Variants in METTL15 observed in about 807,000 individuals in gnomAD.
METTL15 encodes methyltransferase 15, mitochondrial 12S rRNA N4-cytidine, also known as 12S rRNA N(4)-cytidine methyltransferase METTL15.
In METTL15, 34 loss-of-function variants were observed where a neutral mutation model predicts 38.3. That is an observed-to-expected ratio of 0.89 (90% CI 0.68 to 1.18). The LOEUF (loss-of-function observed/expected upper bound fraction) is 1.18. METTL15 is among the 50% of genes most tolerant of loss of function. The probability of loss-of-function intolerance (pLI) is 0.00; values close to 1 mark genes in which losing one functional copy is unlikely to be tolerated. For missense variants in METTL15, 438 were observed against 498.4 expected (o/e 0.88, Z 1.15); for synonymous variants, 162 against 170.9 (o/e 0.95, Z 0.41).
At chr11:28,469,950 A>G (rs1025664614) in intron 6 of METTL15, among the ~76,000 whole-genome samples, 5 of 152,128 alleles carry the variant, frequency 3.3e-5, no homozygotes, top group Admixed American at 3.3e-4. Flanking sequence ...TTATGAATAT[A>G]TTCATGAATA....
At chr11:28,240,124 A>T (rs934671547) in intron 4 of METTL15, among the ~76,000 whole-genome samples, 1 of 152,212 alleles carries the variant, frequency 6.6e-6, no homozygotes, top group Non-Finnish European at 1.5e-5. Context: ...TAAATGATGC[A>T]GTTGCAAATA....
At chr11:28,403,906 C>CT (rs951192659) in intron 5 of METTL15, among the ~76,000 whole-genome samples, 3 of 151,862 alleles carry the variant, frequency 2.0e-5, no homozygotes, top group African/African-American at 7.3e-5. Flanking sequence ...GCTTCTTATT[C>CT]TTTTTTTAAA....
At chr11:28,400,261 A>G (rs1425346844) in intron 5 of METTL15, among the ~76,000 whole-genome samples, 1 of 151,864 alleles carries the variant, frequency 6.6e-6, no homozygotes, top group Non-Finnish European at 1.5e-5. Flanking sequence ...GCAGTCATAT[A>G]CCATACAAAG....
At chr11:28,298,107 A>G (rs1007279368) in intron 6 of METTL15, among the ~76,000 whole-genome samples, 1 of 152,032 alleles carries the variant, frequency 6.6e-6, no homozygotes, top group African/African-American at 2.4e-5. Flanking sequence ...CAAGTTTAAG[A>G]GCAGAATTCT....
At chr11:28,495,508 C>T (rs773867674) in intron 6 of METTL15, among the ~76,000 whole-genome samples, 1 of 152,158 alleles carries the variant, frequency 6.6e-6, no homozygotes, top group South Asian at 2.1e-4. Flanking sequence ...TCCTTTACAT[C>T]GTGCTTGGCT....
chr11:28,388,389 A>G (rs925962462), intron 5 of METTL15, among the ~76,000 whole-genome samples: 3 of 152,172 alleles, frequency 2.0e-5, no homozygotes, highest in South Asian at 2.1e-4. Context: ...AATCAACACA[A>G]AAAAATCAAT....
Position 28,218,954 on chromosome 11 carries a change from G to T in METTL15, c.407+7756G>T, listed in dbSNP as rs558479606. 6.1e-4 allele frequency among the ~76,000 whole-genome samples: 93 copies of T among 152,150 alleles called. 1 individual carries two copies. Among genetic ancestry groups the T allele is most frequent in the African/African-American group, 2.2e-3 (90 of 41,496 alleles). On this transcript the variant is annotated intron_variant, in intron 4 of 6. Coordinates refer to ENST00000407364, the MANE Select transcript of METTL15 (RefSeq NM_001113528.2). The stretch of plus-strand genomic sequence containing the variant: ...AGCTCTTTGATGTGTTGCTGGATTC[G>T]GTTTGCCAGTATGTTATTGAGGATT...
intron 6 of METTL15, among the ~76,000 whole-genome samples, chr11:28,308,892 G>GTAGGTAGA (rs72449461): frequency 0.01 from 1,543 of 146,984 alleles, 12 homozygotes; most frequent in Non-Finnish European, 0.014. Context: ...AGGTAGGTAG[G>GTAGGTAGA]TAGATAGATA....
intron 3 of METTL15, chr11:28,125,438 G>C (rs994390532): frequency 1.3e-5 from 2 of 151,916 alleles, no homozygotes; most frequent in Non-Finnish European, 2.9e-5. Flanking sequence ...TATTATATCT[G>C]AGTTCTATGC....
At chr11:28,385,970 TAACA>T (rs551607896) in intron 5 of METTL15, among the ~76,000 whole-genome samples, 5 of 152,094 alleles carry the variant, frequency 3.3e-5, no homozygotes, top group Admixed American at 1.3e-4. Context: ...AAAATACATA[TAACA>T]AACAAAGTAT....
chr11:28,134,432 C>A (rs187206343), intron 3 of METTL15: 124 of 397,150 alleles, frequency 3.1e-4, no homozygotes, highest in African/African-American at 2.2e-3. Flanking sequence ...TTAGGCAAGG[C>A]CCCTGTGCAA....
rs10660185 is a variant in METTL15, at chr11:28,161,107, C to CTTTTTTTTTTTTTTTTTTTTTTT, written c.270+47522_270+47523insTTTTTTTTTTTTTTTTTTTTTTT. On this transcript the variant is annotated intron_variant, in intron 3 of 6. Transcript: ENST00000407364. ...GATATAGTCAGATGTTTGCACCTTC[C>CTTTTTTTTTTTTTTTTTTTTTTT]TTTTTTTTTTTTTTTTTTTGTTTTT... 1.9e-4 allele frequency among the ~76,000 whole-genome samples: 25 copies of CTTTTTTTTTTTTTTTTTTTTTTT among 131,898 alleles called. 1 individual carries two copies. Among genetic ancestry groups the CTTTTTTTTTTTTTTTTTTTTTTT allele is most frequent in the Non-Finnish European group, 1.6e-4 (10 of 63,344 alleles). 86.5% of individuals were successfully genotyped at this position (131,898 alleles called of 152,430 possible).
chr11:28,205,223 A>T (rs1439921724), intron 3 of METTL15, among the ~76,000 whole-genome samples: 1 of 151,818 alleles, frequency 6.6e-6, no homozygotes, highest in Admixed American at 6.6e-5. Flanking sequence ...GTCATTTAGT[A>T]TTAGGTATAT....
intron 5 of METTL15, among the ~76,000 whole-genome samples, chr11:28,395,615 A>G (rs1378488322): frequency 2.0e-5 from 3 of 152,116 alleles, no homozygotes; most frequent in Non-Finnish European, 4.4e-5. Flanking sequence ...TAGCCTACCA[A>G]CTGAAAAAAG....
intron 6 of METTL15, chr11:28,327,891 TAAG>T: frequency 2.3e-6 from 1 of 438,504 alleles, no homozygotes; most frequent in South Asian, 4.5e-5. Context: ...TTTTATGAAT[TAAG>T]AGATTCTGCA....
At chr11:28,456,517 CTG>C (rs1478102372) in intron 6 of METTL15, among the ~76,000 whole-genome samples, 8 of 151,832 alleles carry the variant, frequency 5.3e-5, no homozygotes, top group Non-Finnish European at 1.2e-4. Context: ...TCTCAGCTCT[CTG>C]TAACCTCCTC....
chr11:28,208,094 T>TA (rs1178138123), intron 3 of METTL15, among the ~76,000 whole-genome samples: 3 of 152,150 alleles, frequency 2.0e-5, no homozygotes, highest in Admixed American at 6.6e-5. Flanking sequence ...AAGGGTTTTT[T>TA]ATGTCTCTAT....
chr11:28,152,731 G>T (rs913530642), intron 3 of METTL15, among the ~76,000 whole-genome samples: 1 of 151,940 alleles, frequency 6.6e-6, no homozygotes, highest in Non-Finnish European at 1.5e-5. Flanking sequence ...TCCGTATCCA[G>T]AACTCAAGAG....
intron 4 of METTL15, among the ~76,000 whole-genome samples, chr11:28,234,160 T>A (rs1289205487): frequency 6.6e-6 from 1 of 152,194 alleles, no homozygotes; most frequent in Non-Finnish European, 1.5e-5. Flanking sequence ...CAGCGTAGTA[T>A]TCCATGGTGT....
Sources: gnomAD v4.1 joint callset for allele counts (sites outside exome capture counted in the v4.1 genomes callset) on GRCh38, gnomAD v4.1.1 for gene constraint, MANE v1.5 for transcripts, NCBI Gene and HGNC (gene_info 2026-07-23, HGNC 2026-07-21) for gene names.